The following EIF3C variants were observed in gnomAD, a reference collection of about 807,000 sequenced individuals.
EIF3C encodes the protein eukaryotic translation initiation factor 3 subunit C, also known as cell migration-inducing protein 17.
In EIF3C, 2 loss-of-function variants were observed where a neutral mutation model predicts 11.1. The ratio of observed to expected loss-of-function variants is 0.18; its 90% CI spans 0.07 to 0.57. The LOEUF (loss-of-function observed/expected upper bound fraction) is 0.57. EIF3C is among the 20% of genes least tolerant of loss of function. The pLI is 0.92. For missense variants in EIF3C, 16 were observed against 114.6 expected (o/e 0.14, Z 3.93); for synonymous variants, 2 against 41.5 (o/e 0.05, Z 3.66).
In EIF3C at chr16:28,697,826, C is replaced by A. The variant is rs577895352; in HGVS notation, c.-31+8998C>A. Among the ~76,000 whole-genome samples, 112 of 89,548 alleles carry A rather than the reference C, an allele frequency of 1.3e-3. 17 individuals are homozygous for A. The highest frequency in any genetic ancestry group is 2.0e-3 in the Non-Finnish European group (98 of 49,578). The allele number at this position is 89,548 out of a possible 152,430, so 58.7% of individuals were successfully genotyped here. ...GGCTCGCCGGGCAGGGGGGCTGACC[C>A]CCCCCACCTCCCTCCCGGACGGGGC... On this transcript the variant is annotated intron_variant, in intron 1 of 20. Coordinates refer to the EIF3C transcript ENST00000566501.
chr16:28,718,651 TGCACTGTC>T (rs1301221477), intron 8 of EIF3C, among the ~76,000 whole-genome samples: 5 of 132,056 alleles, frequency 3.8e-5, no homozygotes, highest in African/African-American at 6.5e-5. Flanking sequence ...GACAGAGTCT[TGCACTGTC>T]GCCCAGGCTG....
rs1323720239 is a variant in EIF3C at position 28,728,566 on chromosome 16, G to T, written c.1818+1321G>T. On this transcript the variant is annotated intron_variant, in intron 15 of 20. Coordinates refer to ENST00000331666, the MANE Select transcript of EIF3C (RefSeq NM_003752.5). ...TGTGTGTGTTTTGAGACAGAGTCTCGCTCTGTTGCCCAGGCTGGAGTGCAG... is the reference window on the plus strand; with the variant it reads ...TGTGTGTGTTTTGAGACAGAGTCTCTCTCTGTTGCCCAGGCTGGAGTGCAG... 1.9e-4 allele frequency among the ~76,000 whole-genome samples: 21 copies of T among 109,380 alleles called. 1 individual carries two copies. Among genetic ancestry groups the T allele is most frequent in the South Asian group, 5.8e-4 (2 of 3,424 alleles). 71.8% of individuals were successfully genotyped at this position (109,380 alleles called of 152,430 possible).
chr16:28,699,512 G>A (rs1246824690), intron 1 of EIF3C, among the ~76,000 whole-genome samples: 1 of 105,648 alleles, frequency 9.5e-6, no homozygotes, highest in Non-Finnish European at 1.9e-5. Context: ...GAGAGGGAGA[G>A]GGAGAGGGCA....
rs1468456821 is a variant in EIF3C, at chr16:28,699,723, T to C, written c.-31+10895T>C. On this transcript the variant is annotated intron_variant, in intron 1 of 20. Coordinates refer to the EIF3C transcript ENST00000566501. ...CATGCCCGGCTAATTTTTGTATTTTTAGTAGAGATGGGGTTTCACCATGTT... is the reference window on the plus strand; with the variant it reads ...CATGCCCGGCTAATTTTTGTATTTTCAGTAGAGATGGGGTTTCACCATGTT... Among the ~76,000 whole-genome samples the C allele has an allele frequency of 6.3e-5, 5 of 79,958 alleles. 2 individuals are homozygous for C. The highest frequency in any genetic ancestry group is 2.8e-4 in the African/African-American group (5 of 18,152). The allele number at this position is 79,958 out of a possible 152,430, so 52.5% of individuals were successfully genotyped here.
In EIF3C at chr16:28,691,221, G is replaced by T. The variant is rs1228319332; in HGVS notation, c.-31+2393G>T. On this transcript the variant is annotated intron_variant, in intron 1 of 20. Transcript: ENST00000566501. ...ATATATATATTATATATATATATATGGAGCAGAAAAAGCCTTTGTTGGACG... is the reference window on the plus strand; with the variant it reads ...ATATATATATTATATATATATATATTGAGCAGAAAAAGCCTTTGTTGGACG... Among the ~76,000 whole-genome samples the T allele has an allele frequency of 4.1e-4, 17 of 41,676 alleles. 7 individuals are homozygous for T. In the East Asian group the frequency reaches 0.012, roughly 29 times the overall value. The allele number at this position is 41,676 out of a possible 152,430, so 27.3% of individuals were successfully genotyped here. A position where few individuals can be genotyped will look rare whatever the true frequency, so the allele number is the denominator to read the frequency against.
intron 1 of EIF3C, among the ~76,000 whole-genome samples, chr16:28,697,942 G>A (rs1438607694): frequency 8.5e-5 from 8 of 93,858 alleles, no homozygotes; most frequent in Admixed American, 1.9e-4. Context: ...CAGTAGGGGC[G>A]GCCGGGCAGA....
In EIF3C at chr16:28,699,499, AGGG is replaced by A. The variant is rs2048268802; in HGVS notation, c.-31+10672_-31+10674del. Reference sequence around the variant, plus strand: ...GACGGAGACGGAGAGGGAGAGGGAGAGGGAGAGGGAGAGGGAGAGGGCATGAAA... The same window carrying A: ...GACGGAGACGGAGAGGGAGAGGGAGAAGAGGGAGAGGGAGAGGGCATGAAA... On this transcript the variant is annotated intron_variant, in intron 1 of 20. Transcript: ENST00000566501. Among the ~76,000 whole-genome samples, 2 of 103,582 alleles carry A rather than the reference AGGG, an allele frequency of 1.9e-5. 1 individual carries two copies. The highest frequency in any genetic ancestry group is 3.8e-5 in the Non-Finnish European group (2 of 53,274). The allele number at this position is 103,582 out of a possible 152,430, so 68.0% of individuals were successfully genotyped here. A position where few individuals can be genotyped will look rare whatever the true frequency, so the allele number is the denominator to read the frequency against.
Position 28,691,174 on chromosome 16 carries a change from CA to C in EIF3C, c.-31+2353del, listed in dbSNP as rs1435293106. On this transcript the variant is annotated intron_variant, in intron 1 of 20. Transcript: ENST00000566501. ...TGGGCAACAGAGCAAGACTCCGTCT[CA>C]AAAAAATATATATATATATAATATA... Among the ~76,000 whole-genome samples the C allele has an allele frequency of 2.5e-4, 9 of 36,224 alleles. 3 individuals are homozygous for C. In the African/African-American group the frequency reaches 2.6e-3, roughly 10 times the overall value. The allele number at this position is 36,224 out of a possible 152,430, so 23.8% of individuals were successfully genotyped here.
At chr16:28,689,945 C>CAAA (rs1163759813) in intron 1 of EIF3C, among the ~76,000 whole-genome samples, 1 of 720 alleles carries the variant, frequency 1.4e-3, no homozygotes, top group Non-Finnish European at 2.1e-3. Context: ...GACTCCGTCT[C>CAAA]AAAAAAAAAA....
At chr16:28,726,091 AAATAAT>A (rs1233746922) in intron 13 of EIF3C, among the ~76,000 whole-genome samples, 4 of 82,332 alleles carry the variant, frequency 4.9e-5, no homozygotes, top group Non-Finnish European at 9.6e-5. Context: ...CCATCTCAAA[AAATAAT>A]AATAATAATT....
intron 1 of EIF3C, among the ~76,000 whole-genome samples, chr16:28,698,177 G>T (rs1596703448): frequency 9.6e-6 from 1 of 104,244 alleles, no homozygotes; most frequent in Non-Finnish European, 2.0e-5. Flanking sequence ...GGGCAGAGGG[G>T]CTCCTCACTT....
intron 2 of EIF3C, chr16:28,712,244 A>C (rs2048306474): frequency 1.3e-5 from 1 of 78,080 alleles, no homozygotes; most frequent in African/African-American, 4.4e-5. Context: ...TTCTACGTAA[A>C]TACCCATCCG....
Position 28,728,475 on chromosome 16 carries a change from TTGTG to T in EIF3C, c.1818+1236_1818+1239del, listed in dbSNP as rs1285100251. Among the ~76,000 whole-genome samples, 4 of 73,430 alleles carry T rather than the reference TTGTG, an allele frequency of 5.4e-5. 1 individual carries two copies. The highest frequency in any genetic ancestry group is 1.7e-4 in the African/African-American group (4 of 23,032). The allele number at this position is 73,430 out of a possible 152,430, so 48.2% of individuals were successfully genotyped here. ...GGGGTGTGTGTGTATCTTTTAGGGGTTGTGTGTGTATCTTTTAGGGGGTGTGTGT... is the reference window on the plus strand; with the variant it reads ...GGGGTGTGTGTGTATCTTTTAGGGGTTGTGTATCTTTTAGGGGGTGTGTGT... On this transcript the variant is annotated intron_variant, in intron 15 of 20. Transcript: ENST00000331666.
intron 1 of EIF3C, among the ~76,000 whole-genome samples, chr16:28,696,857 G>A (rs1195370214): frequency 3.7e-5 from 2 of 53,580 alleles, no homozygotes. Context: ...AAAAAATAAA[G>A]ACTCAGTTAA....
rs1221654970 is a variant in EIF3C at position 28,696,014 on chromosome 16, G to A, written c.-31+7186G>A. On this transcript the variant is annotated intron_variant, in intron 1 of 20. Coordinates refer to the EIF3C transcript ENST00000566501. ...AAAGAAAAAAAATTTTAAAAAGACA[G>A]TTAACCAGAAGCATTATCACATCCC... Among the ~76,000 whole-genome samples the A allele has an allele frequency of 1.6e-4, 8 of 51,602 alleles. 3 individuals are homozygous for A. In the East Asian group the frequency reaches 3.1e-3, roughly 20 times the overall value. 33.9% of individuals were successfully genotyped at this position (51,602 alleles called of 152,430 possible). A position where few individuals can be genotyped will look rare whatever the true frequency, so the allele number is the denominator to read the frequency against.
At chr16:28,698,255 GC>G (rs2048254244) in intron 1 of EIF3C, among the ~76,000 whole-genome samples, 1 of 121,894 alleles carries the variant, frequency 8.2e-6, no homozygotes, top group Non-Finnish European at 1.8e-5. Flanking sequence ...GGGTGGGGGG[GC>G]TGACCCCCCC....
intron 1 of EIF3C, among the ~76,000 whole-genome samples, chr16:28,698,525 G>A (rs1294104954): frequency 1.1e-5 from 1 of 90,404 alleles, no homozygotes; most frequent in Non-Finnish European, 2.0e-5. Context: ...TGGCTGGGCG[G>A]GGGGCTGACC....
intron 1 of EIF3C, among the ~76,000 whole-genome samples, chr16:28,698,556 CG>C (rs2151787722): frequency 1.4e-5 from 1 of 71,254 alleles, no homozygotes; most frequent in South Asian, 1.0e-3. Flanking sequence ...CCCTCCCGGA[CG>C]GGGTGGCTGC....
chr16:28,698,352 T>C (rs2048255591), intron 1 of EIF3C, among the ~76,000 whole-genome samples: 1 of 91,720 alleles, frequency 1.1e-5, no homozygotes, highest in Non-Finnish European at 2.1e-5. Flanking sequence ...GCCCCTCACC[T>C]CCCGGACGGG....
Sources: gnomAD v4.1 joint callset for allele counts (sites outside exome capture counted in the v4.1 genomes callset) on GRCh38, gnomAD v4.1.1 for gene constraint, MANE v1.5 for transcripts, NCBI Gene and HGNC (gene_info 2026-07-23, HGNC 2026-07-21) for gene names.